Variants in SRCAP observed in about 807,000 individuals in gnomAD.
SRCAP encodes the protein Snf2 related CREBBP activator protein.
SRCAP carries 46 observed loss-of-function variants against 263.1 expected under a neutral mutation model. The ratio of observed to expected loss-of-function variants is 0.17; its 90% CI spans 0.14 to 0.22. The LOEUF (loss-of-function observed/expected upper bound fraction) is 0.22. Among genes scored for constraint, SRCAP ranks in the 10% least tolerant of loss-of-function variants. The probability of loss-of-function intolerance (pLI) is 1.00; values close to 1 mark genes in which losing one functional copy is unlikely to be tolerated. For synonymous variants in SRCAP, 1,813 were observed against 1,662.1 expected (o/e 1.09, Z -2.21); for missense variants, 3,695 against 4,181.9 (o/e 0.88, Z 3.21).
At position 30,709,610 on chromosome 16, in the gene SRCAP, C is replaced by T. The variant is rs1311591643; in HGVS notation, c.731C>T (p.Ser244Leu). Residue 244 changes from serine (S) to leucine (L), a missense_variant, in exon 7 of 34, where the codon TCG (serine) becomes TTG (leucine). Physicochemically the swap from Ser to Leu is moderately radical, Grantham distance 145. Around this residue, in one of 12 missense-constraint regions of SRCAP, gnomAD observed 107 missense variants for 223.8 expected, o/e 0.48. Transcript: ENST00000262518. ...DFIVGQTEKY[S>L]DLLSQSLNQP... is the part of the protein sequence containing the mutation. ...ATTGTGGGGCAAACTGAAAAGTACT[C>T]GGACCTTCTGTCTCAGAGCCTCAAC... The T allele has an allele frequency of 1.2e-6, 2 of 1,614,178 alleles. No homozygotes were observed. The highest frequency in any genetic ancestry group is 8.5e-7 in the Non-Finnish European group (1 of 1,180,036).
chr16:30,738,291 C>T lies in SRCAP; in HGVS notation c.8251C>T (p.Pro2751Ser). Reference sequence around the variant, plus strand: ...AGGCCCCAAAGTGCTTCGAAAGCTGCCAGGACGGCTGGTAACTGTGGTAGA... The same window carrying T: ...AGGCCCCAAAGTGCTTCGAAAGCTGTCAGGACGGCTGGTAACTGTGGTAGA... ...PPGPKVLRKL[P>S]GRLVTVVEEK... The change falls in exon 34 of 34, where the codon CCA (proline) becomes TCA (serine). Residue 2751 changes from proline (P) to serine (S), a missense_variant. By Grantham distance (74) the Pro-to-Ser change is moderately conservative. Transcript: ENST00000262518. The T allele has an allele frequency of 1.2e-6, 2 of 1,600,618 alleles. No individual in the cohort carries two copies. Among genetic ancestry groups the T allele is most frequent in the East Asian group, 4.5e-5 (2 of 44,722 alleles).
chr16:30,720,685 T>A, intron 19 of SRCAP, 28 bp from the exon 20 acceptor site: 1 of 1,569,610 alleles, frequency 6.4e-7, no homozygotes. Context: ...CTTCTGTCCC[T>A]ACCCACTCTC....
At chr16:30,707,543 G>A (rs771092696) in intron 5 of SRCAP, 29 bp from the exon 6 acceptor site, 4 of 1,610,472 alleles carry the variant, frequency 2.5e-6, no homozygotes, top group African/African-American at 1.3e-5. Flanking sequence ...GGCTTTGAGT[G>A]TTTTCACCCT....
chr16:30,708,630 G>T (rs1363389071), intron 6 of SRCAP, among the ~76,000 whole-genome samples: 1 of 152,086 alleles, frequency 6.6e-6, no homozygotes, highest in Non-Finnish European at 1.5e-5. Context: ...CTGACCTCAG[G>T]TTATCCACTC....
At position 30,729,046 on chromosome 16, in the gene SRCAP, C is replaced by T. The variant is rs756777339; in HGVS notation, c.5739C>T (p.Ala1913=). 14 of 1,614,046 alleles carry T rather than the reference C, an allele frequency of 8.7e-6. No individual in the cohort carries two copies. The highest frequency in any genetic ancestry group is 8.5e-7 in the Non-Finnish European group (1 of 1,180,028). ...RIFQLSEAHG[A]LAPVYGTEVL... ...TCCAACTTAGTGAGGCTCATGGGGC[C>T]CTGGCACCTGTGTATGGGACTGAAG... Residue 1913 remains alanine (A), a synonymous_variant, in exon 26 of 34, where the codon GCC becomes GCT. Transcript: ENST00000262518.
At chr16:30,714,185 C>T (rs2052922003) in intron 16 of SRCAP, among the ~76,000 whole-genome samples, 1 of 151,712 alleles carries the variant, frequency 6.6e-6, no homozygotes, top group South Asian at 2.1e-4. Flanking sequence ...CTGCTTCAGC[C>T]TCCCGAGTAG....
chr16:30,710,821 A>C lies in SRCAP; in HGVS notation c.1202A>C (p.Glu401Ala), dbSNP rs756687509. The change falls in exon 9 of 34, where the codon GAA becomes GCA. Residue 401 changes from glutamate (E) to alanine (A), a missense_variant. Transcript: ENST00000262518. ...CCTTGGCATCCAGATGAAGATGATG[A>C]AGAGTTTACTGCCAACGAAGAGGAA... The part of the protein sequence containing the change: ...KQPWHPDEDD[E>A]EFTANEEEAE... 6.2e-7 allele frequency: 1 copy of C among 1,614,208 alleles called. No individual in the cohort carries two copies. The highest frequency in any genetic ancestry group is 8.5e-7 in the Non-Finnish European group (1 of 1,180,038).
Position 30,736,612 on chromosome 16 carries a change from C to T in SRCAP, c.6996C>T (p.Leu2332=). Residue 2332 remains leucine (L), a synonymous_variant, in exon 33 of 34, where the codon CTC becomes CTT. Transcript: ENST00000262518. ...ASLEEVSREE[L]KQAEEQVEAA... ...TGGAGGAGGTGAGCCGAGAGGAGCT[C>T]AAACAGGCAGAAGTGAGTATTTCCA... 1 of 1,614,110 alleles carries T rather than the reference C, an allele frequency of 6.2e-7. No homozygotes were observed. The highest frequency in any genetic ancestry group is 8.5e-7 in the Non-Finnish European group (1 of 1,180,020).
At chr16:30,731,087 C>T (rs1279926659) in intron 27 of SRCAP, among the ~76,000 whole-genome samples, 2 of 152,152 alleles carry the variant, frequency 1.3e-5, no homozygotes, top group Non-Finnish European at 1.5e-5. Flanking sequence ...CCAGGGTATA[C>T]ACCAATCCTC....
In SRCAP at chr16:30,739,670, C is replaced by T. The variant is rs979739855; in HGVS notation, c.9630C>T (p.Ser3210=). The part of the protein sequence containing the change: ...TNQGDQRILR[S]SAPPSLAGPA... ...AAGGGGACCAGCGCATCCTGCGCAG[C>T]AGCGCCCCTCCCTCCCTGGCTGGCC... The change falls in exon 34 of 34, where the codon AGC becomes AGT. Residue 3210 remains serine, a synonymous_variant. Transcript: ENST00000262518. 1.3e-6 allele frequency: 2 copies of T among 1,567,076 alleles called. No homozygotes were observed. Among genetic ancestry groups the T allele is most frequent in the Admixed American group, 1.9e-5 (1 of 52,194 alleles).
At chr16:30,703,544 A>G (rs1385268270) in intron 3 of SRCAP, among the ~76,000 whole-genome samples, 1 of 151,836 alleles carries the variant, frequency 6.6e-6, no homozygotes, top group Non-Finnish European at 1.5e-5. Flanking sequence ...GTCAGGACAT[A>G]ATTCTTGCAT....
At position 30,737,322 on chromosome 16, in the gene SRCAP, C is replaced by T. The variant is rs755641907; in HGVS notation, c.7282C>T (p.Arg2428Cys). Residue 2428 changes from arginine to cysteine, a missense_variant, in exon 34 of 34, where the codon CGC becomes TGC. By Grantham distance (180) the Arg-to-Cys change is radical. Around this residue, in one of 12 missense-constraint regions of SRCAP, gnomAD observed 1,207 missense variants for 1,142.9 expected, o/e 1.06. Coordinates refer to ENST00000262518, the MANE Select transcript of SRCAP (RefSeq NM_006662.3). ...HQTRSTTTPP[R>C]CSPARERVPR... The stretch of plus-strand genomic sequence containing the variant: ...AACTCGCAGCACCACCACACCACCC[C>T]GCTGCAGTCCTGCCAGGGAGCGAGT... 1.1e-5 allele frequency: 17 copies of T among 1,614,022 alleles called. No homozygotes were observed. The highest frequency in any genetic ancestry group is 8.0e-5 in the African/African-American group (6 of 74,898).
Position 30,700,704 on chromosome 16 carries a change from C to A in SRCAP, c.-121C>A. ...AAGGCGGGTCCCGGTGGCCGGTGGCCCAGAATGAGGCCAGCTCCCAGCATG... is the reference window on the plus strand; with the variant it reads ...AAGGCGGGTCCCGGTGGCCGGTGGCACAGAATGAGGCCAGCTCCCAGCATG... On this transcript the variant is annotated 5_prime_UTR_variant, in exon 3 of 34. Coordinates refer to ENST00000262518, the MANE Select transcript of SRCAP (RefSeq NM_006662.3). 1.0e-6 allele frequency: 1 copy of A among 989,192 alleles called. No homozygotes were observed. The highest frequency in any genetic ancestry group is 1.5e-6 in the Non-Finnish European group (1 of 672,800). The allele number at this position is 989,192 out of a possible 1,614,324, so 61.3% of individuals were successfully genotyped here.
chr16:30,734,667 C>A, intron 31 of SRCAP, 52 bp downstream of exon 31: 1 of 1,611,112 alleles, frequency 6.2e-7, no homozygotes, highest in African/African-American at 1.3e-5. Context: ...TACAGAATAT[C>A]TTGTCTTTTG....
At chr16:30,705,070 G>A (rs2052811681) in intron 4 of SRCAP, among the ~76,000 whole-genome samples, 1 of 152,164 alleles carries the variant, frequency 6.6e-6, no homozygotes, top group Non-Finnish European at 1.5e-5. Context: ...GGAGGCCGAG[G>A]CGGGTGGATC....
chr16:30,729,141 A>G lies in SRCAP; in HGVS notation c.5834A>G (p.His1945Arg). The G allele has an allele frequency of 6.2e-7, 1 of 1,613,984 alleles. No homozygotes were observed. Among genetic ancestry groups the G allele is most frequent in the Non-Finnish European group, 8.5e-7 (1 of 1,179,976 alleles). Residue 1945 changes from histidine to arginine, a missense_variant, in exon 26 of 34, where the codon CAC becomes CGC. His to Arg is a conservative substitution (Grantham distance 29, BLOSUM62 0). Around this residue, in one of 12 missense-constraint regions of SRCAP, gnomAD observed 1,347 missense variants for 1,304.4 expected, o/e 1.03. Transcript: ENST00000262518. Reference protein sequence around the residue: ...PIGPRSPGPSHPTFWTYTEAA... With the variant: ...PIGPRSPGPSRPTFWTYTEAA... Reference sequence around the variant, plus strand: ...GGCCCTCGTTCTCCTGGCCCCAGCCACCCCACCTTTTGGACTTATACCGAG... The same window carrying G: ...GGCCCTCGTTCTCCTGGCCCCAGCCGCCCCACCTTTTGGACTTATACCGAG...
rs1444339649 is a variant in SRCAP at position 30,711,101 on chromosome 16, A to G, written c.1318+13A>G. The G allele has an allele frequency of 1.2e-6, 2 of 1,606,324 alleles. No homozygotes were observed. Among genetic ancestry groups the G allele is most frequent in the Non-Finnish European group, 1.7e-6 (2 of 1,174,964 alleles). ...TTGGCTCGAGAAGGTGACATTTACC[A>G]GACATTTTACTAAGCATCCACTTGG... On this transcript the variant is annotated intron_variant, in intron 10 of 33. Transcript: ENST00000262518.
chr16:30,723,953 C>T lies in SRCAP; in HGVS notation c.4529C>T (p.Ala1510Val). 1 of 1,614,170 alleles carries T rather than the reference C, an allele frequency of 6.2e-7. No homozygotes were observed. Among genetic ancestry groups the T allele is most frequent in the Non-Finnish European group, 8.5e-7 (1 of 1,180,032 alleles). ...GCATCAGCCTTGACTCTAGGTTTGG[C>T]CACAGCTCCATCCCTGTCTTCATCT... ...PSASALTLGL[A>V]TAPSLSSSQT... Residue 1510 changes from alanine (A) to valine (V), a missense_variant, in exon 25 of 34, where the codon GCC (alanine) becomes GTC (valine). Physicochemically the swap from Ala to Val is moderately conservative, Grantham distance 64. Transcript: ENST00000262518.
At position 30,729,512 on chromosome 16, in the gene SRCAP, C is replaced by T. The variant is rs376342702; in HGVS notation, c.6067C>T (p.Arg2023Cys). The T allele has an allele frequency of 1.9e-6, 3 of 1,614,132 alleles. No individual in the cohort carries two copies. Among genetic ancestry groups the T allele is most frequent in the Non-Finnish European group, 2.5e-6 (3 of 1,180,000 alleles). The change falls in exon 27 of 34, where the codon CGT becomes TGT. Residue 2023 changes from arginine to cysteine, a missense_variant. By Grantham distance (180) the Arg-to-Cys change is radical. This residue lies in a region of SRCAP where 138 missense variants were observed against 254.9 expected (regional missense o/e 0.54). Coordinates refer to ENST00000262518, the MANE Select transcript of SRCAP (RefSeq NM_006662.3). Reference protein sequence around the residue: ...ELWPRARPLHRIVCNMRTQFP... With the variant: ...ELWPRARPLHCIVCNMRTQFP... ...CTGGCCCCGGGCTCGTCCTTTGCAC[C>T]GTATTGTGTGTAACATGCGCACCCA...
Sources: gnomAD v4.1 joint callset for allele counts (sites outside exome capture counted in the v4.1 genomes callset) on GRCh38, gnomAD v4.1.1 for gene constraint, gnomAD v4.1.1 regional missense constraint, MANE v1.5 for transcripts, NCBI Gene and HGNC (gene_info 2026-07-23, HGNC 2026-07-21) for gene names.